The following LGMN variants were observed in gnomAD, a reference collection of about 807,000 sequenced individuals.
LGMN encodes the protein legumain.
A neutral mutation model predicts 56.8 loss-of-function variants in LGMN; 36 were observed. That is an observed-to-expected ratio of 0.63 (90% CI 0.49 to 0.84). LGMN has a LOEUF of 0.84. Among genes scored for constraint, LGMN ranks in the 40% least tolerant of loss-of-function variants. The pLI is 0.00. For missense variants in LGMN, 446 were observed against 556.1 expected, an observed-to-expected ratio of 0.80 and a Z score of 1.99; for synonymous variants, 199 against 210.1, an observed-to-expected ratio of 0.95 and a Z score of 0.46.
At chr14:92,724,784 T>C (rs1465414143) in intron 2 of LGMN, among the ~76,000 whole-genome samples, 1 of 152,242 alleles carries the variant, frequency 6.6e-6, no homozygotes, top group African/African-American at 2.4e-5. Context: ...CTGCTTGTAC[T>C]GCCTCCAGCT....
chr14:92,704,636 T>G lies in LGMN; in HGVS notation c.1259+4A>C. On this transcript the variant is annotated splice_donor_region_variant and intron_variant, in intron 13 of 13. Coordinates refer to ENST00000334869, the MANE Select transcript of LGMN (RefSeq NM_005606.7). Reference sequence around the variant, plus strand: ...CTTTCAAGCGTCACCGCTGCATTAGTTACCTGTGAAGCGGATACGGCTTCT... The same window carrying G: ...CTTTCAAGCGTCACCGCTGCATTAGGTACCTGTGAAGCGGATACGGCTTCT... The G allele has an allele frequency of 6.2e-7, 1 of 1,608,788 alleles. No homozygotes were observed. The highest frequency in any genetic ancestry group is 8.5e-7 in the Non-Finnish European group (1 of 1,175,188).
In LGMN at chr14:92,728,374, T is replaced by C. The variant is rs79062847; in HGVS notation, c.138+4275A>G. ...ACAGGAGGTGGAGCTAAGGTGATAATGTTTGTTATAACGCTCAGATGGTAA... is the reference window on the plus strand; with the variant it reads ...ACAGGAGGTGGAGCTAAGGTGATAACGTTTGTTATAACGCTCAGATGGTAA... On this transcript the variant is annotated intron_variant, in intron 2 of 13. Transcript: ENST00000334869. 5.7e-3 allele frequency among the ~76,000 whole-genome samples: 866 copies of C among 152,356 alleles called. 7 individuals carry two copies. The highest frequency in any genetic ancestry group is 0.02 in the African/African-American group (818 of 41,584).
chr14:92,731,443 A>G (rs898966246), intron 2 of LGMN, among the ~76,000 whole-genome samples: 2 of 152,224 alleles, frequency 1.3e-5, no homozygotes, highest in African/African-American at 2.4e-5. Flanking sequence ...CCCCATGTCC[A>G]TCGGCAATTA....
rs956760100 is a variant in LGMN, at chr14:92,719,299, G to A, written c.139-455C>T. On this transcript the variant is annotated intron_variant, in intron 2 of 13. Transcript: ENST00000334869. ...CGCCACCGCCGCCGCCGCCGCCGCCGCCACCGCCGCCACCGCCGCCGCCGC... is the reference window on the plus strand; with the variant it reads ...CGCCACCGCCGCCGCCGCCGCCGCCACCACCGCCGCCACCGCCGCCGCCGC... 1.0e-3 allele frequency among the ~76,000 whole-genome samples: 44 copies of A among 42,588 alleles called. 1 individual carries two copies. The highest frequency in any genetic ancestry group is 3.3e-3 in the African/African-American group (28 of 8,484). 27.9% of individuals were successfully genotyped at this position (42,588 alleles called of 152,430 possible). A position where few individuals can be genotyped will look rare whatever the true frequency, so the allele number is the denominator to read the frequency against.
Position 92,714,682 on chromosome 14 carries a change from C to T in LGMN, c.405-231G>A, listed in dbSNP as rs151104059. On this transcript the variant is annotated intron_variant, in intron 5 of 13. Coordinates refer to ENST00000334869, the MANE Select transcript of LGMN (RefSeq NM_005606.7). This position sits in a 1 kb window ranked among gnomAD's most constrained non-coding sequence, Gnocchi z 5.1. The stretch of plus-strand genomic sequence containing the variant: ...CCTAGAGCCTCCAAATTCTGAACTA[C>T]GGCTGGAAAGGAGGAGGGGCCTTTC... Among the ~76,000 whole-genome samples, 110 of 152,260 alleles carry T rather than the reference C, an allele frequency of 7.2e-4. No homozygotes were observed. The highest frequency in any genetic ancestry group is 2.9e-4 in the Non-Finnish European group (20 of 68,024).
At chr14:92,729,471 C>A (rs1259707293) in intron 2 of LGMN, among the ~76,000 whole-genome samples, 2 of 63,544 alleles carry the variant, frequency 3.1e-5, no homozygotes, top group African/African-American at 5.5e-5. Context: ...GATCACGCCC[C>A]CCCCCCCCGC....
At chr14:92,728,010 G>A (rs1419667819) in intron 2 of LGMN, among the ~76,000 whole-genome samples, 1 of 152,232 alleles carries the variant, frequency 6.6e-6, no homozygotes, top group Admixed American at 6.5e-5. Context: ...GCAACACTGA[G>A]TCTATGTAGC....
chr14:92,718,742 C>T lies in LGMN; in HGVS notation c.236+5G>A. 6.2e-7 allele frequency: 1 copy of T among 1,600,658 alleles called. No individual in the cohort carries two copies. ...CCCACCAAGTTCCAAGTGTTCCCCA[C>T]TTACTCTTCAGAGTAAGCAATGTCA... On this transcript the variant is annotated splice_donor_5th_base_variant and intron_variant, in intron 3 of 13. Coordinates refer to ENST00000334869, the MANE Select transcript of LGMN (RefSeq NM_005606.7).
rs866079125 is a variant in LGMN at position 92,714,600 on chromosome 14, G to A, written c.405-149C>T. 2.2e-5 allele frequency: 14 copies of A among 625,592 alleles called. No homozygotes were observed. Among genetic ancestry groups the A allele is most frequent in the Admixed American group, 2.9e-5 (1 of 34,852 alleles). 38.8% of individuals were successfully genotyped at this position (625,592 alleles called of 1,614,324 possible). A position where few individuals can be genotyped will look rare whatever the true frequency, so the allele number is the denominator to read the frequency against. On this transcript the variant is annotated intron_variant, in intron 5 of 13. Transcript: ENST00000334869. The surrounding 1 kb of genome is among the most constrained non-coding windows in gnomAD (Gnocchi z 5.1). ...AGATGAACACAAGGGCCCGGTGCCC[G>A]GTGTCTGGCCTGTCCCCTCCACTCC...
chr14:92,706,033 C>T (rs1206666625), intron 12 of LGMN, among the ~76,000 whole-genome samples: 1 of 152,180 alleles, frequency 6.6e-6, no homozygotes, highest in Non-Finnish European at 1.5e-5. Context: ...TGCTACTGAC[C>T]AGGAGGCTTT....
chr14:92,715,265 C>G (rs935964771), intron 5 of LGMN, among the ~76,000 whole-genome samples: 1 of 151,842 alleles, frequency 6.6e-6, no homozygotes, highest in Admixed American at 6.6e-5. Flanking sequence ...GTCACTCAGG[C>G]TGGAGTACAG....
intron 2 of LGMN, among the ~76,000 whole-genome samples, chr14:92,722,567 G>A (rs190009681): frequency 2.8e-4 from 42 of 152,204 alleles, no homozygotes; most frequent in African/African-American, 9.9e-4. Flanking sequence ...CTGGGCGACA[G>A]AGCAAGACTC....
At chr14:92,722,904 G>A (rs536242925) in intron 2 of LGMN, among the ~76,000 whole-genome samples, 1 of 152,300 alleles carries the variant, frequency 6.6e-6, no homozygotes. Context: ...CCACTTCACA[G>A]ACAGACGGAC....
At chr14:92,709,901 A>G in intron 10 of LGMN, 29 bp from the exon 11 acceptor site, 1 of 1,551,190 alleles carries the variant, frequency 6.4e-7, no homozygotes, top group Non-Finnish European at 8.8e-7. Flanking sequence ...AGAGAGAGCG[A>G]GAGAGAAAGC....
intron 3 of LGMN, among the ~76,000 whole-genome samples, 197 bp downstream of exon 3, chr14:92,718,550 G>A (rs1890186912): frequency 6.6e-6 from 1 of 151,738 alleles, no homozygotes; most frequent in Admixed American, 6.6e-5. Context: ...CTCCAGCCTG[G>A]GCAACAGAGC....
At chr14:92,713,077 C>T (rs543458366) in intron 7 of LGMN, among the ~76,000 whole-genome samples, 2 of 152,260 alleles carry the variant, frequency 1.3e-5, no homozygotes, top group African/African-American at 2.4e-5. Context: ...GGAATAAAAT[C>T]GTCTAGTAGC....
At chr14:92,719,314 GCCGCCGCCGCCACCGCCACCGCCATCA>G (rs1890315638) in intron 2 of LGMN, among the ~76,000 whole-genome samples, 1 of 18,664 alleles carries the variant, frequency 5.4e-5, no homozygotes, top group African/African-American at 2.3e-4. Context: ...CGCCGCCACC[GCCGCCGCCGCCACCGCCACCGCCATCA>G]CCGCCACCAC....
intron 1 of LGMN, chr14:92,733,955 T>C (rs1891180030): frequency 6.6e-6 from 1 of 152,272 alleles, no homozygotes; most frequent in African/African-American, 2.4e-5. Flanking sequence ...GGTGATTTTC[T>C]TCCTCATTTT....
At position 92,704,690 on chromosome 14, in the gene LGMN, T is replaced by C. The variant is rs1439998512; in HGVS notation, c.1209A>G (p.Arg403=). Residue 403 remains arginine, a synonymous_variant, in exon 13 of 14, where the codon AGA becomes AGG. Coordinates refer to ENST00000334869, the MANE Select transcript of LGMN (RefSeq NM_005606.7). ...WHSPTYEYAL[R]HLYVLVNLCE... is the part of the protein sequence containing the mutation. Reference sequence around the variant, plus strand: ...AAAGGTTGACCAGCACGTACAAATGTCTCAACGCATACTCGTACTGGGAGA... The same window carrying C: ...AAAGGTTGACCAGCACGTACAAATGCCTCAACGCATACTCGTACTGGGAGA... 6.2e-7 allele frequency: 1 copy of C among 1,613,392 alleles called. No homozygotes were observed. The highest frequency in any genetic ancestry group is 1.3e-5 in the African/African-American group (1 of 75,018).
Sources: gnomAD v4.1 joint callset for allele counts (sites outside exome capture counted in the v4.1 genomes callset) on GRCh38, gnomAD v4.1.1 for gene constraint, Gnocchi (gnomAD v3.1) non-coding constraint, MANE v1.5 for transcripts, NCBI Gene and HGNC (gene_info 2026-07-23, HGNC 2026-07-21) for gene names.